Variants in PDZRN3 observed in about 807,000 individuals in gnomAD.
PDZRN3 encodes the protein PDZ domain containing ring finger 3.
Under a neutral mutation model 85.7 loss-of-function variants are expected in PDZRN3, and 38 were observed. The ratio of observed to expected loss-of-function variants is 0.44; its 90% confidence interval spans 0.34 to 0.58. PDZRN3 has a LOEUF of 0.58. Among genes scored for constraint, PDZRN3 ranks in the 20% least tolerant of loss-of-function variants. The pLI is 0.01. For synonymous variants in PDZRN3, 759 were observed against 638.0 expected, an observed-to-expected ratio of 1.19 and a Z score of -2.86; for missense variants, 1,629 against 1,506.4, an observed-to-expected ratio of 1.08 and a Z score of -1.35.
At chr3:73,504,870 A>G (rs754276723) in intron 3 of PDZRN3, among the ~76,000 whole-genome samples, 2 of 152,204 alleles carry the variant, frequency 1.3e-5, no homozygotes, top group Non-Finnish European at 2.9e-5. Context: ...TAACAACATA[A>G]TTGATTGACC....
At chr3:73,609,796 T>C (rs767905431) in intron 1 of PDZRN3, among the ~76,000 whole-genome samples, 8 of 152,190 alleles carry the variant, frequency 5.3e-5, no homozygotes, top group African/African-American at 9.6e-5. Context: ...AATGGCCACA[T>C]TGGAAAGGCA....
intron 2 of PDZRN3, among the ~76,000 whole-genome samples, chr3:73,607,767 C>T (rs538714561): frequency 1.2e-4 from 19 of 152,260 alleles, no homozygotes; most frequent in African/African-American, 4.6e-4. Context: ...GACATCCCCA[C>T]CAGGACTCAA....
chr3:73,506,905 A>C (rs527905902), intron 3 of PDZRN3, among the ~76,000 whole-genome samples: 51 of 151,194 alleles, frequency 3.4e-4, no homozygotes, highest in African/African-American at 1.2e-3. Context: ...CAAAAAAAAA[A>C]AAAACAAAAA....
At chr3:73,506,606 G>C (rs1704073689) in intron 3 of PDZRN3, among the ~76,000 whole-genome samples, 1 of 151,892 alleles carries the variant, frequency 6.6e-6, no homozygotes, top group Non-Finnish European at 1.5e-5. Flanking sequence ...TTATGGAAGG[G>C]GCAGGGAAAA....
intron 5 of PDZRN3, among the ~76,000 whole-genome samples, chr3:73,396,677 A>G (rs1446991511): frequency 2.6e-5 from 4 of 151,194 alleles, no homozygotes; most frequent in African/African-American, 9.9e-5. Flanking sequence ...CATCCTGAGA[A>G]TACAATACAG....
chr3:73,536,167 G>A (rs1407569747), intron 3 of PDZRN3, among the ~76,000 whole-genome samples: 1 of 152,196 alleles, frequency 6.6e-6, no homozygotes, highest in Admixed American at 6.5e-5. Context: ...ATTTCTAATA[G>A]GTCTTGGCAT....
chr3:73,475,763 G>A (rs1227932831), intron 3 of PDZRN3, among the ~76,000 whole-genome samples: 1 of 152,186 alleles, frequency 6.6e-6, no homozygotes, highest in Non-Finnish European at 1.5e-5. Context: ...CATGCCCACA[G>A]TACTGGATGA....
intron 3 of PDZRN3, among the ~76,000 whole-genome samples, chr3:73,506,918 C>CA (rs966633629): frequency 2.7e-4 from 40 of 148,406 alleles, no homozygotes; most frequent in African/African-American, 9.4e-4. Flanking sequence ...AACAAAAAAA[C>CA]AAAAAAAACT....
At chr3:73,438,444 A>G (rs115670820) in intron 3 of PDZRN3, among the ~76,000 whole-genome samples, 1,777 of 152,348 alleles carry the variant, frequency 0.012, 28 homozygotes, top group African/African-American at 0.038. Context: ...CTCTATTGTA[A>G]TGATGAGCAC....
chr3:73,571,788 C>T (rs368279785), intron 3 of PDZRN3, among the ~76,000 whole-genome samples: 95 of 152,230 alleles, frequency 6.2e-4, no homozygotes, highest in African/African-American at 2.1e-3. Flanking sequence ...TGCTCAGAAC[C>T]GGAAGAGCAG....
chr3:73,473,095 G>A (rs941066605), intron 3 of PDZRN3, among the ~76,000 whole-genome samples: 1 of 152,188 alleles, frequency 6.6e-6, no homozygotes, highest in East Asian at 1.9e-4. Context: ...CCCCTAAAAG[G>A]AGTGTAACAG....
intron 3 of PDZRN3, among the ~76,000 whole-genome samples, chr3:73,551,633 G>A (rs1023596944): frequency 4.8e-5 from 7 of 145,412 alleles, no homozygotes; most frequent in Admixed American, 1.4e-4. Context: ...AGGCTGCAGC[G>A]AACTGTGATT....
intron 3 of PDZRN3, among the ~76,000 whole-genome samples, chr3:73,509,862 C>A (rs1158273081): frequency 6.6e-6 from 1 of 152,206 alleles, no homozygotes; most frequent in Non-Finnish European, 1.5e-5. Context: ...CCTGAAAACC[C>A]ACTGCAAATG....
intron 5 of PDZRN3, among the ~76,000 whole-genome samples, chr3:73,394,381 A>G (rs903236338): frequency 1.3e-5 from 2 of 152,140 alleles, no homozygotes; most frequent in Admixed American, 6.5e-5. Flanking sequence ...TTAGCCTTCA[A>G]CACCCATCAT....
chr3:73,508,082 C>T (rs6549549), intron 3 of PDZRN3, among the ~76,000 whole-genome samples: 143,518 of 151,976 alleles, frequency 0.94, 68,298 homozygotes, highest in Non-Finnish European at 1. Context: ...GTGACTGAGA[C>T]GGTCTCAAAA....
At chr3:73,466,318 G>A (rs1454989571) in intron 3 of PDZRN3, among the ~76,000 whole-genome samples, 8 of 140,780 alleles carry the variant, frequency 5.7e-5, no homozygotes, top group African/African-American at 2.3e-4. Context: ...TACAAAGAGT[G>A]ATAGAAAAAA....
At chr3:73,545,399 A>G (rs562527991) in intron 3 of PDZRN3, among the ~76,000 whole-genome samples, 1 of 152,344 alleles carries the variant, frequency 6.6e-6, no homozygotes, top group South Asian at 2.1e-4. Context: ...AAAGTTTATG[A>G]AAACCAAATT....
At chr3:73,535,797 A>G (rs576763154) in intron 3 of PDZRN3, among the ~76,000 whole-genome samples, 2 of 152,336 alleles carry the variant, frequency 1.3e-5, no homozygotes, top group South Asian at 4.1e-4. Context: ...CTTGAAGGTG[A>G]TTGTAGAATA....
intron 3 of PDZRN3, among the ~76,000 whole-genome samples, chr3:73,578,080 T>C (rs1229244913): frequency 6.6e-6 from 1 of 152,206 alleles, no homozygotes; most frequent in Non-Finnish European, 1.5e-5. Flanking sequence ...ATCGTCCTTT[T>C]ACTAAACTCT....
Sources: allele counts gnomAD v4.1 joint callset (sites outside exome capture counted in the v4.1 genomes callset), GRCh38; gene constraint gnomAD v4.1.1; transcripts MANE v1.5; gene names NCBI Gene and HGNC (gene_info 2026-07-23, HGNC 2026-07-21).